RNF13: variants seen among roughly 807,000 people sequenced by gnomAD.
RNF13 encodes the protein ring finger protein 13.
In RNF13, 19 loss-of-function variants were observed where a neutral mutation model predicts 37.7. The ratio of observed to expected loss-of-function variants is 0.50; its 90% confidence interval spans 0.35 to 0.74. The LOEUF (loss-of-function observed/expected upper bound fraction) is 0.74. Ranked by LOEUF, RNF13 falls within the 30% of genes least tolerant of loss-of-function variation. The probability of loss-of-function intolerance (pLI) is 0.01; values close to 1 mark genes in which losing one functional copy is unlikely to be tolerated. For synonymous variants in RNF13, 144 were observed against 157.8 expected (o/e 0.91, Z 0.65); for missense variants, 375 against 453.0 (o/e 0.83, Z 1.56).
At chr3:149,920,812 C>A (rs1471431555) in intron 7 of RNF13, among the ~76,000 whole-genome samples, 1 of 122,850 alleles carries the variant, frequency 8.1e-6, no homozygotes, top group African/African-American at 2.9e-5. Flanking sequence ...TTTTTTTTAC[C>A]CATTGGAGTC....
intron 4 of RNF13, among the ~76,000 whole-genome samples, chr3:149,876,984 TGGCCA>T (rs1437882669): frequency 6.6e-6 from 1 of 152,054 alleles, no homozygotes; most frequent in Non-Finnish European, 1.5e-5. Flanking sequence ...TTCATCATGT[TGGCCA>T]GGCTAGTCTT....
chr3:149,916,194 T>G (rs1353647656), intron 7 of RNF13, among the ~76,000 whole-genome samples: 1 of 152,152 alleles, frequency 6.6e-6, no homozygotes, highest in Non-Finnish European at 1.5e-5. Context: ...ATATAGACAT[T>G]CAGATGGTTT....
chr3:149,937,315 G>A (rs563657883), intron 8 of RNF13, among the ~76,000 whole-genome samples: 1 of 152,122 alleles, frequency 6.6e-6, no homozygotes, highest in Non-Finnish European at 1.5e-5. Flanking sequence ...GTTTCTCCAG[G>A]ATAGGAACCG....
chr3:149,939,096 A>G, intron 8 of RNF13: 1 of 512,756 alleles, frequency 2.0e-6, no homozygotes, highest in Admixed American at 2.2e-5. Flanking sequence ...AATGTCTTCT[A>G]CAGAACTAGG....
rs1723136433 is a variant in RNF13 at position 149,851,723 on chromosome 3, A to G, written c.115-793A>G. ...GTGTTTCAAAAGTTACTTGTTTACT[A>G]TCTATACTTGTTTACTATCTATGAA... On this transcript the variant is annotated intron_variant, in intron 2 of 9. Coordinates refer to ENST00000392894, the MANE Select transcript of RNF13 (RefSeq NM_183381.3). The G allele has an allele frequency of 2.0e-5, 3 of 152,120 alleles. No homozygotes were observed. In the South Asian group the frequency reaches 6.2e-4, roughly 31 times the overall value. 9.4% of individuals were successfully genotyped at this position (152,120 alleles called of 1,614,324 possible). A position where few individuals can be genotyped will look rare whatever the true frequency, so the allele number is the denominator to read the frequency against.
rs569916192 is a variant in RNF13, at chr3:149,839,621, T to C, written c.-16-6390T>C. On this transcript the variant is annotated intron_variant, in intron 1 of 9. Transcript: ENST00000392894. The stretch of plus-strand genomic sequence containing the variant: ...TGAGACTTACTCACTCTCATGAGAA[T>C]AGCATGGGAAAGACCTGCCCCCATG... 1.8e-3 allele frequency among the ~76,000 whole-genome samples: 281 copies of C among 152,064 alleles called. 1 individual carries two copies. Among genetic ancestry groups the C allele is most frequent in the Middle Eastern group, 3.4e-3 (1 of 294 alleles).
At chr3:149,927,294 G>T (rs1377571800) in intron 8 of RNF13, among the ~76,000 whole-genome samples, 3 of 152,188 alleles carry the variant, frequency 2.0e-5, no homozygotes, top group African/African-American at 7.2e-5. Context: ...AAGGATTATC[G>T]ATGTTGTAGC....
At chr3:149,910,208 G>A (rs916961440) in intron 6 of RNF13, among the ~76,000 whole-genome samples, 9 of 152,124 alleles carry the variant, frequency 5.9e-5, no homozygotes, top group Non-Finnish European at 1.2e-4. Flanking sequence ...TATTAATTGC[G>A]GAGCTGGCTG....
intron 3 of RNF13, among the ~76,000 whole-genome samples, chr3:149,856,133 C>T (rs115820360): frequency 0.031 from 4,534 of 147,880 alleles, 82 homozygotes; most frequent in South Asian, 0.037. Context: ...AAAAAAAAAA[C>T]GGTGTTAGAT....
At chr3:149,856,889 A>C (rs1723707676) in intron 3 of RNF13, among the ~76,000 whole-genome samples, 2 of 151,972 alleles carry the variant, frequency 1.3e-5, no homozygotes, top group Admixed American at 1.3e-4. Flanking sequence ...CTGGGACTAC[A>C]GGCGCCCGCC....
intron 8 of RNF13, among the ~76,000 whole-genome samples, chr3:149,935,716 C>A (rs73868607): frequency 0.027 from 4,044 of 152,254 alleles, 69 homozygotes; most frequent in South Asian, 0.037. Flanking sequence ...CAATTTACAT[C>A]TTTTTATATT....
At chr3:149,842,359 A>G (rs538053810) in intron 1 of RNF13, among the ~76,000 whole-genome samples, 1 of 152,266 alleles carries the variant, frequency 6.6e-6, no homozygotes, top group Non-Finnish European at 1.5e-5. Flanking sequence ...ATCTGTTGGC[A>G]TCCCTATCCA....
At chr3:149,927,875 A>AT (rs1423777444) in intron 8 of RNF13, among the ~76,000 whole-genome samples, 1 of 151,330 alleles carries the variant, frequency 6.6e-6, no homozygotes, top group Non-Finnish European at 1.5e-5. Flanking sequence ...ATTTGCAAAT[A>AT]TTTTTTCCCA....
chr3:149,889,292 CGTGT>C (rs376618726), intron 4 of RNF13, among the ~76,000 whole-genome samples: 232 of 138,218 alleles, frequency 1.7e-3, no homozygotes, highest in Middle Eastern at 4.0e-3. Context: ...TTTGAGTGTG[CGTGT>C]GTGTGTGTGT....
At chr3:149,923,113 CAAAA>C (rs563683773) in intron 8 of RNF13, among the ~76,000 whole-genome samples, 1 of 150,582 alleles carries the variant, frequency 6.6e-6, no homozygotes, top group African/African-American at 2.4e-5. Flanking sequence ...GAACACTTAA[CAAAA>C]AAAAGTAGGA....
At chr3:149,912,201 C>T in intron 7 of RNF13, 118 bp downstream of exon 7, 1 of 516,242 alleles carries the variant, frequency 1.9e-6, no homozygotes, top group South Asian at 3.4e-5. Context: ...TATATAAATT[C>T]ATTTATGTGA....
intron 4 of RNF13, among the ~76,000 whole-genome samples, chr3:149,889,827 G>A (rs1022262510): frequency 6.6e-6 from 1 of 151,744 alleles, no homozygotes; most frequent in Non-Finnish European, 1.5e-5. Context: ...GCTGATTTTT[G>A]TATTTTTAGT....
chr3:149,841,006 G>A (rs934240550), intron 1 of RNF13, among the ~76,000 whole-genome samples: 1 of 152,186 alleles, frequency 6.6e-6, no homozygotes, highest in African/African-American at 2.4e-5. Context: ...CTCCAGCTTC[G>A]CTCAAGCATC....
At chr3:149,959,315 C>T (rs1180523617) in intron 8 of RNF13, among the ~76,000 whole-genome samples, 1 of 147,452 alleles carries the variant, frequency 6.8e-6, no homozygotes. Context: ...TCTCCAAAAA[C>T]AAACAAACAA....
Sources: gnomAD v4.1 joint callset for allele counts (sites outside exome capture counted in the v4.1 genomes callset) on GRCh38, gnomAD v4.1.1 for gene constraint, MANE v1.5 for transcripts, NCBI Gene and HGNC (gene_info 2026-07-23, HGNC 2026-07-21) for gene names.